IL1RAPL1: variants seen among roughly 807,000 people sequenced by gnomAD.
IL1RAPL1 encodes interleukin 1 receptor accessory protein like 1, also known as interleukin-1 receptor accessory protein-like 1.
A neutral mutation model predicts 48.4 loss-of-function variants in IL1RAPL1; 3 were observed. The observed-to-expected ratio is 0.06, with a 90% CI of 0.03 to 0.16. IL1RAPL1 has a LOEUF of 0.16. Among genes scored for constraint, IL1RAPL1 ranks in the 10% least tolerant of loss-of-function variants. The pLI is 1.00. For synonymous variants in IL1RAPL1, 185 were observed against 187.7 expected (o/e 0.99, Z 0.12); for missense variants, 349 against 530.6 (o/e 0.66, Z 3.36).
intron 5 of IL1RAPL1, among the ~76,000 whole-genome samples, chrX:29,486,431 C>A (rs990211573): frequency 3.6e-5 from 4 of 109,731 alleles, no homozygotes; most frequent in Non-Finnish European, 7.6e-5. Flanking sequence ...AATCTAAACA[C>A]CTGAGTTACC....
chrX:29,366,265 A>G (rs1414973059), intron 3 of IL1RAPL1, among the ~76,000 whole-genome samples: 1 of 110,895 alleles, frequency 9.0e-6, no homozygotes, highest in East Asian at 2.8e-4. Context: ...GACCCCTTCT[A>G]GGTCCACAAG....
At chrX:29,895,696 A>ATTGT (rs898108856) in intron 6 of IL1RAPL1, among the ~76,000 whole-genome samples, 5 of 112,772 alleles carry the variant, frequency 4.4e-5, no homozygotes, top group Non-Finnish European at 9.4e-5. Flanking sequence ...AATGCTAGAT[A>ATTGT]TTGTTTACCA....
At chrX:29,910,330 C>T (rs1020495545) in intron 6 of IL1RAPL1, among the ~76,000 whole-genome samples, 10 of 109,475 alleles carry the variant, frequency 9.1e-5, no homozygotes. Flanking sequence ...ACCCCTGTGA[C>T]ATATAATTTA....
intron 2 of IL1RAPL1, among the ~76,000 whole-genome samples, chrX:29,121,497 ACTAT>A (rs1312837848): frequency 1.8e-5 from 2 of 111,939 alleles, no homozygotes; most frequent in African/African-American, 6.5e-5. Flanking sequence ...TAAGTTGTAG[ACTAT>A]CTATATAGAC....
At chrX:29,322,278 T>G (rs1932809243) in intron 3 of IL1RAPL1, among the ~76,000 whole-genome samples, 2 of 110,352 alleles carry the variant, frequency 1.8e-5, no homozygotes, top group African/African-American at 6.6e-5. Flanking sequence ...TTTCTTTCTT[T>G]TTTTTTTGAT....
At chrX:29,145,829 T>G (rs1425888327) in intron 2 of IL1RAPL1, among the ~76,000 whole-genome samples, 1 of 112,200 alleles carries the variant, frequency 8.9e-6, no homozygotes, top group Non-Finnish European at 1.9e-5. Flanking sequence ...ATTTGATTCA[T>G]CAGAAAATCC....
Position 29,480,063 on chromosome X carries a change from C to A in IL1RAPL1, c.703+80755C>A, listed in dbSNP as rs192665217. On this transcript the variant is annotated intron_variant, in intron 5 of 10. Transcript: ENST00000378993. ...TACCCCTCTCTTGTTTGGCTTCAAG[C>A]CAACAACTTCACAGAAATCAATCTT... Among the ~76,000 whole-genome samples, 87 of 108,387 alleles carry A rather than the reference C, an allele frequency of 8.0e-4. No individual in the cohort carries two copies. In the East Asian group the frequency reaches 0.022, roughly 27 times the overall value. The allele number at this position is 108,387 out of a possible 115,157, so 94.1% of individuals were successfully genotyped here.
chrX:29,317,449 G>A (rs915292884), intron 3 of IL1RAPL1, among the ~76,000 whole-genome samples: 1 of 111,776 alleles, frequency 8.9e-6, no homozygotes, highest in African/African-American at 3.2e-5. Flanking sequence ...GATGAACGTT[G>A]GTTGGAAAAT....
chrX:29,135,482 A>C (rs1929105977), intron 2 of IL1RAPL1, among the ~76,000 whole-genome samples: 1 of 111,720 alleles, frequency 9.0e-6, no homozygotes, highest in Non-Finnish European at 1.9e-5. Flanking sequence ...CTTATTCTGA[A>C]ATCTTTAATA....
At chrX:28,910,327 A>G (rs901639943) in intron 2 of IL1RAPL1, among the ~76,000 whole-genome samples, 3 of 111,496 alleles carry the variant, frequency 2.7e-5, no homozygotes, top group African/African-American at 9.8e-5. Flanking sequence ...CAACAAGGAA[A>G]AACATTTGAT....
At chrX:29,275,345 T>G (rs1932102972) in intron 2 of IL1RAPL1, among the ~76,000 whole-genome samples, 1 of 111,643 alleles carries the variant, frequency 9.0e-6, no homozygotes, top group Non-Finnish European at 1.9e-5. Context: ...CAGAATTAAG[T>G]TCAAGTTTTT....
chrX:29,176,986 G>A (rs1336635531), intron 2 of IL1RAPL1, among the ~76,000 whole-genome samples: 3 of 111,224 alleles, frequency 2.7e-5, no homozygotes, highest in Non-Finnish European at 5.7e-5. Flanking sequence ...GATACTTCCT[G>A]ACTCATCAGT....
chrX:29,085,452 C>T (rs766110085), intron 2 of IL1RAPL1, among the ~76,000 whole-genome samples: 34 of 111,340 alleles, frequency 3.1e-4, no homozygotes, highest in Admixed American at 9.6e-4. Flanking sequence ...TATATATGAA[C>T]GAGTTAATCC....
chrX:28,709,043 A>C (rs2146933921), intron 1 of IL1RAPL1, among the ~76,000 whole-genome samples: 1 of 112,306 alleles, frequency 8.9e-6, no homozygotes, highest in Non-Finnish European at 1.9e-5. Context: ...GGCAAGACTA[A>C]AAAATAAAGA....
At chrX:28,765,129 A>AAC (rs1399172331) in intron 1 of IL1RAPL1, among the ~76,000 whole-genome samples, 1 of 100,317 alleles carries the variant, frequency 1.0e-5, no homozygotes, top group African/African-American at 3.7e-5. Flanking sequence ...CAGGAAGGGG[A>AAC]ACATCACACA....
At chrX:29,492,567 CCTT>C (rs1449434933) in intron 5 of IL1RAPL1, among the ~76,000 whole-genome samples, 2 of 111,851 alleles carry the variant, frequency 1.8e-5, no homozygotes, top group Non-Finnish European at 3.8e-5. Flanking sequence ...TCAGTTGAGT[CCTT>C]CTTACGTGGC....
chrX:29,261,559 G>A (rs185259442), intron 2 of IL1RAPL1, among the ~76,000 whole-genome samples: 1 of 110,413 alleles, frequency 9.1e-6, no homozygotes, highest in South Asian at 3.9e-4. Flanking sequence ...GCCGTTATAC[G>A]CTATCATGTT....
intron 8 of IL1RAPL1, among the ~76,000 whole-genome samples, chrX:29,931,827 C>T (rs1231146505): frequency 8.9e-6 from 1 of 111,978 alleles, no homozygotes; most frequent in Non-Finnish European, 1.9e-5. Flanking sequence ...ACATCACATC[C>T]CTTAACAAGG....
chrX:29,540,470 T>G (rs1921400065), intron 5 of IL1RAPL1, among the ~76,000 whole-genome samples: 1 of 111,463 alleles, frequency 9.0e-6, no homozygotes, highest in Non-Finnish European at 1.9e-5. Context: ...GCCTGAATAG[T>G]TAAAGCAATA....
Sources: allele counts gnomAD v4.1 joint callset (sites outside exome capture counted in the v4.1 genomes callset), GRCh38; gene constraint gnomAD v4.1.1; transcripts MANE v1.5; gene names NCBI Gene and HGNC (gene_info 2026-07-23, HGNC 2026-07-21).